The following FUT8 variants were observed in gnomAD, a reference collection of about 807,000 sequenced individuals.
The protein encoded by FUT8 is fucosyltransferase 8, also known as alpha-(1,6)-fucosyltransferase.
In FUT8, 29 loss-of-function variants were observed where a neutral mutation model predicts 71.3. The ratio of observed to expected loss-of-function variants is 0.41; its 90% CI spans 0.30 to 0.55. The LOEUF (loss-of-function observed/expected upper bound fraction) is 0.55, where lower values mean the gene tolerates loss of function less well. Among genes scored for constraint, FUT8 ranks in the 20% least tolerant of loss-of-function variants. The pLI is 0.34. For synonymous variants in FUT8, 254 were observed against 239.3 expected (o/e 1.06, Z -0.57); for missense variants, 544 against 702.1 (o/e 0.77, Z 2.55).
chr14:65,691,275 T>C (rs1358095110), intron 7 of FUT8, among the ~76,000 whole-genome samples: 1 of 151,156 alleles, frequency 6.6e-6, no homozygotes, highest in Middle Eastern at 3.2e-3. Context: ...TACTGACTGA[T>C]TCCTTTTATT....
chr14:65,537,245 T>G (rs899558630), intron 2 of FUT8, among the ~76,000 whole-genome samples: 1 of 151,972 alleles, frequency 6.6e-6, no homozygotes, highest in African/African-American at 2.4e-5. Context: ...CTGAATTTTA[T>G]TTGTTGTTTC....
chr14:65,599,749 T>C (rs1202834052), intron 3 of FUT8, among the ~76,000 whole-genome samples: 1 of 152,232 alleles, frequency 6.6e-6, no homozygotes, highest in Non-Finnish European at 1.5e-5. Flanking sequence ...GAACCTTATA[T>C]TTAAAAGACT....
chr14:65,519,711 A>G (rs142758972), intron 2 of FUT8, among the ~76,000 whole-genome samples: 129 of 152,308 alleles, frequency 8.5e-4, no homozygotes, highest in African/African-American at 2.9e-3. Flanking sequence ...TTTCTAAAGA[A>G]ATATAGTTAA....
rs150462472 is a variant in FUT8 at position 65,482,548 on chromosome 14, A to G, written c.-228+26830A>G. 2.0e-5 allele frequency among the ~76,000 whole-genome samples: 3 copies of G among 152,298 alleles called. No homozygotes were observed. The East Asian group carries it at 5.8e-4, about 29-fold the overall frequency. On this transcript the variant is annotated intron_variant, in intron 2 of 10. Transcript: ENST00000673929. Reference sequence around the variant, plus strand: ...GTGAAAATCAATTTCTAAATGGATCACAACTCCAGGATATTGTTTCTGTGC... The same window carrying G: ...GTGAAAATCAATTTCTAAATGGATCGCAACTCCAGGATATTGTTTCTGTGC...
rs1303985502 is a variant in FUT8 at position 65,692,446 on chromosome 14, G to A, written c.835+22966G>A. Among the ~76,000 whole-genome samples, 69 of 119,612 alleles carry A rather than the reference G, an allele frequency of 5.8e-4. 1 individual carries two copies. Among genetic ancestry groups the A allele is most frequent in the African/African-American group, 2.1e-3 (68 of 31,918 alleles). The allele number at this position is 119,612 out of a possible 152,430, so 78.5% of individuals were successfully genotyped here. A position where few individuals can be genotyped will look rare whatever the true frequency, so the allele number is the denominator to read the frequency against. ...TCCCTCCCGGACGGGGCGGCTGGCC[G>A]GGCGGGGGGCTGACCCCCCCACCTC... is the stretch of plus-strand genomic sequence containing the variant. On this transcript the variant is annotated intron_variant, in intron 7 of 10. Coordinates refer to ENST00000673929, the MANE Select transcript of FUT8 (RefSeq NM_001371533.1).
chr14:65,481,123 G>T (rs896680413), intron 2 of FUT8, among the ~76,000 whole-genome samples: 4 of 151,206 alleles, frequency 2.6e-5, no homozygotes, highest in South Asian at 2.1e-4. Context: ...TTTTCTGCTG[G>T]TTTTTTTTTA....
In FUT8 at chr14:65,669,445, C is replaced by A. The variant is rs35949016; in HGVS notation, c.800C>A (p.Thr267Lys). 0.16 allele frequency: 261,137 copies of A among 1,612,836 alleles called. 23,384 individuals are homozygous for A. The highest frequency in any genetic ancestry group is 0.27 in the South Asian group (24,558 of 91,064). The change falls in exon 7 of 11, where the codon ACA becomes AAA. Residue 267 changes from threonine to lysine, a missense_variant. By Grantham distance (78) the Thr-to-Lys change is moderately conservative. Coordinates refer to ENST00000673929, the MANE Select transcript of FUT8 (RefSeq NM_001371533.1). This position sits in a 1 kb window ranked among gnomAD's most constrained non-coding sequence, Gnocchi z 4.5. ...TTTAGGCCTGTAAGTGAGACATGCA[C>A]AGACAGATCTGGCATCTCCACTGGA... ...TVFRPVSETC[T>K]DRSGISTGHW...
At chr14:65,524,554 AT>A (rs1407068741) in intron 2 of FUT8, among the ~76,000 whole-genome samples, 1 of 152,184 alleles carries the variant, frequency 6.6e-6, no homozygotes, top group Non-Finnish European at 1.5e-5. Context: ...TCTCAATTGA[AT>A]GCCCTTTATT....
chr14:65,650,617 C>T (rs1052435193), intron 6 of FUT8, among the ~76,000 whole-genome samples: 1 of 151,256 alleles, frequency 6.6e-6, no homozygotes, highest in African/African-American at 2.4e-5. Context: ...TTTCACCAGG[C>T]CCCACCTCCA....
At chr14:65,526,448 A>G (rs150554401) in intron 2 of FUT8, among the ~76,000 whole-genome samples, 3,431 of 152,258 alleles carry the variant, frequency 0.023, 51 homozygotes, top group African/African-American at 0.04. Flanking sequence ...TTTTGAGCCT[A>G]CGTGTGTCTC....
At chr14:65,741,989 T>A in intron 10 of FUT8, 104 bp from the exon 11 acceptor site, 1 of 862,448 alleles carries the variant, frequency 1.2e-6, no homozygotes, top group South Asian at 1.7e-5. Flanking sequence ...CCACTACTTT[T>A]CAACCTCTTA....
intron 2 of FUT8, among the ~76,000 whole-genome samples, chr14:65,496,394 A>AT (rs1409636041): frequency 1.3e-5 from 2 of 152,072 alleles, no homozygotes; most frequent in Non-Finnish European, 2.9e-5. Flanking sequence ...AGAGTATCTG[A>AT]TATGGTTAGA....
intron 2 of FUT8, among the ~76,000 whole-genome samples, chr14:65,466,912 TC>T (rs148569013): frequency 0.12 from 18,743 of 152,188 alleles, 1,452 homozygotes; most frequent in East Asian, 0.34. Context: ...TTTTTCCCAT[TC>T]CTTATAACAT....
intron 1 of FUT8, among the ~76,000 whole-genome samples, chr14:65,425,933 C>T (rs566818570): frequency 2.6e-5 from 4 of 151,430 alleles, no homozygotes; most frequent in South Asian, 4.2e-4. Flanking sequence ...GCTGAGATCA[C>T]GCCACTGCAC....
At chr14:65,592,635 T>C (rs1594796685) in intron 3 of FUT8, among the ~76,000 whole-genome samples, 2 of 152,190 alleles carry the variant, frequency 1.3e-5, no homozygotes, top group South Asian at 4.1e-4. Flanking sequence ...AGATATTTCA[T>C]TCTGAGTAGG....
At chr14:65,508,924 T>C (rs1356105112) in intron 2 of FUT8, among the ~76,000 whole-genome samples, 1 of 152,202 alleles carries the variant, frequency 6.6e-6, no homozygotes, top group East Asian at 1.9e-4. Flanking sequence ...GCTTTTTAAT[T>C]TGATGTGATC....
intron 2 of FUT8, among the ~76,000 whole-genome samples, chr14:65,461,821 C>A (rs1292980078): frequency 6.6e-6 from 1 of 152,084 alleles, no homozygotes; most frequent in African/African-American, 2.4e-5. Context: ...AATTCCATCT[C>A]CCTGACTGAC....
chr14:65,371,040 T>A, the FUT8 span, among the ~76,000 whole-genome samples: 1 of 152,202 alleles, frequency 6.6e-6, no homozygotes, highest in Non-Finnish European at 1.5e-5. Context: ...CTTAGTGCCG[T>A]CTCTGGGCCA....
At chr14:65,461,698 A>G (rs2065971433) in intron 2 of FUT8, among the ~76,000 whole-genome samples, 1 of 152,232 alleles carries the variant, frequency 6.6e-6, no homozygotes, top group Non-Finnish European at 1.5e-5. Context: ...CCAGGAGTTC[A>G]GTCTAGGTCC....
Sources: gnomAD v4.1 joint callset for allele counts (sites outside exome capture counted in the v4.1 genomes callset) on GRCh38, gnomAD v4.1.1 for gene constraint, Gnocchi (gnomAD v3.1) non-coding constraint, MANE v1.5 for transcripts, NCBI Gene and HGNC (gene_info 2026-07-23, HGNC 2026-07-21) for gene names.